The following TDRD6 variants were observed in gnomAD, a reference collection of about 807,000 sequenced individuals.
TDRD6 encodes tudor domain-containing protein 6.
In TDRD6, 186 loss-of-function variants were observed where a neutral mutation model predicts 157.5. The observed-to-expected ratio is 1.18, with a 90% CI of 1.05 to 1.33. The LOEUF is 1.33. Among genes scored for constraint, TDRD6 ranks in the 40% most tolerant of loss-of-function variants. The pLI is 0.00. For missense variants in TDRD6, 3,066 were observed against 2,508.0 expected (o/e 1.22, Z -4.75); for synonymous variants, 1,075 against 945.2 (o/e 1.14, Z -2.52).
chr6:46,698,029 T>C lies in TDRD6; in HGVS notation c.6203T>C (p.Ile2068Thr), dbSNP rs548926471. 75 of 1,611,572 alleles carry C rather than the reference T, an allele frequency of 4.7e-5. No homozygotes were observed. Among genetic ancestry groups the C allele is most frequent in the South Asian group, 4.5e-4 (41 of 90,698 alleles). ...AACCTTTCAAATGGTATGGAGGAGA[T>C]AGTGAACCCTGAGAATGTCTGGAAT... Reference protein sequence around the residue: ...VLNLSNGMEEIVNPENVWNGI... With the variant: ...VLNLSNGMEETVNPENVWNGI... The change falls in exon 3 of 4, where the codon ATA becomes ACA. Residue 2068 changes from isoleucine (I) to threonine (T), a missense_variant. Physicochemically the swap from Ile to Thr is moderately conservative, Grantham distance 89. Coordinates refer to ENST00000316081, the MANE Select transcript of TDRD6 (RefSeq NM_001010870.3).
rs76636517 is a variant in TDRD6 at position 46,691,703 on chromosome 6, C to G, written c.3575C>G (p.Thr1192Arg). 1 of 1,609,584 alleles carries G rather than the reference C, an allele frequency of 6.2e-7. No individual in the cohort carries two copies. Among genetic ancestry groups the G allele is most frequent in the South Asian group, 1.1e-5 (1 of 90,356 alleles). ...EKNENMKLPC[T>R]EYLSKSVGYK... Reference sequence around the variant, plus strand: ...AATGAGAATATGAAGTTGCCATGTACAGAGTATTTAAGTAAATCAGTAGGG... The same window carrying G: ...AATGAGAATATGAAGTTGCCATGTAGAGAGTATTTAAGTAAATCAGTAGGG... Residue 1192 changes from threonine to arginine, a missense_variant, in exon 1 of 4, where the codon ACA (threonine) becomes AGA (arginine). By Grantham distance (71) the Thr-to-Arg change is moderately conservative (BLOSUM62 -1). Transcript: ENST00000316081.
In TDRD6 at chr6:46,695,881, G is replaced by A. The variant is rs1360496487; in HGVS notation, c.6107G>A (p.Trp2036Ter). Residue 2036 changes from tryptophan (W) to a stop codon, truncating the protein, a stop_gained, in exon 2 of 4, where the codon TGG becomes TAG. Coordinates refer to ENST00000316081, the MANE Select transcript of TDRD6 (RefSeq NM_001010870.3). LOFTEE classifies it high-confidence loss of function. Reference sequence around the variant, plus strand: ...ACTGTTGGATCTAAATGTGTTGTGTGGTCAAGTCTAAGAAACACATGGTCT... The same window carrying A: ...ACTGTTGGATCTAAATGTGTTGTGTAGTCAAGTCTAAGAAACACATGGTCT... ...AFTVGSKCVVWSSLRNTWSKC... is the reference protein window; with the variant it reads ...AFTVGSKCVV 1.2e-6 allele frequency: 2 copies of A among 1,613,564 alleles called. No individual in the cohort carries two copies. The highest frequency in any genetic ancestry group is 1.7e-6 in the Non-Finnish European group (2 of 1,179,710).
rs1482563701 is a variant in TDRD6, at chr6:46,689,313, C to A, written c.1185C>A (p.Asp395Glu). Residue 395 changes from aspartate to glutamate, a missense_variant, in exon 1 of 4, where the codon GAC becomes GAA. Coordinates refer to ENST00000316081, the MANE Select transcript of TDRD6 (RefSeq NM_001010870.3). ...GRGWSRSQVG[D>E]LKTLILGKAV... ...GCTGGTCTCGGTCACAGGTCGGTGA[C>A]CTGAAGACACTGATACTAGGCAAGG... 3.7e-6 allele frequency: 6 copies of A among 1,614,116 alleles called. No individual in the cohort carries two copies. In the South Asian group the frequency reaches 4.4e-5, roughly 12 times the overall value.
At position 46,688,984 on chromosome 6, in the gene TDRD6, G is replaced by T; in HGVS notation, c.856G>T (p.Val286Leu). 1.9e-6 allele frequency: 3 copies of T among 1,613,756 alleles called. No individual in the cohort carries two copies. The South Asian group carries it at 3.3e-5, about 18-fold the overall frequency. ...IHRLSESMAQ[V>L]YRGSTGTGDE... Reference sequence around the variant, plus strand: ...CCGCCTCTCCGAGAGCATGGCCCAGGTATACCGGGGTTCCACGGGGACAGG... The same window carrying T: ...CCGCCTCTCCGAGAGCATGGCCCAGTTATACCGGGGTTCCACGGGGACAGG... The change falls in exon 1 of 4, where the codon GTA (valine) becomes TTA (leucine). Residue 286 changes from valine (V) to leucine (L), a missense_variant. Physicochemically the swap from Val to Leu is conservative, Grantham distance 32. Coordinates refer to ENST00000316081, the MANE Select transcript of TDRD6 (RefSeq NM_001010870.3).
At position 46,688,815 on chromosome 6, in the gene TDRD6, A is replaced by G; in HGVS notation, c.687A>G (p.Arg229=). 1 of 1,612,422 alleles carries G rather than the reference A, an allele frequency of 6.2e-7. No homozygotes were observed. The highest frequency in any genetic ancestry group is 8.5e-7 in the Non-Finnish European group (1 of 1,179,840). ...SVGSGVPVLS[R]VPLKQKQPGL... ...GCTCCGGGGTCCCGGTTCTCTCGCG[A>G]GTCCCGCTCAAGCAAAAGCAGCCTG... Residue 229 remains arginine, a synonymous_variant, in exon 1 of 4, where the codon CGA becomes CGG. Transcript: ENST00000316081.
chr6:46,682,199 G>C, the TDRD6 span, among the ~76,000 whole-genome samples: 3 of 151,866 alleles, frequency 2.0e-5, no homozygotes, highest in Non-Finnish European at 4.4e-5. Flanking sequence ...TACAAAATTG[G>C]TTCAACATCC....
At position 46,700,661 on chromosome 6, in the gene TDRD6, G is replaced by A. The variant is rs141155835; in HGVS notation, c.6262-1197G>A. ...AATAAAGCATCTGTGGCTCTACATG[G>A]ATACTGTGTTTGAATAACAGCCCCT... is the stretch of plus-strand genomic sequence containing the variant. On this transcript the variant is annotated intron_variant, in intron 3 of 3. Coordinates refer to ENST00000316081, the MANE Select transcript of TDRD6 (RefSeq NM_001010870.3). Among the ~76,000 whole-genome samples, 1,125 of 152,180 alleles carry A rather than the reference G, an allele frequency of 7.4e-3. 17 individuals are homozygous for A. Among genetic ancestry groups the A allele is most frequent in the African/African-American group, 0.025 (1,030 of 41,512 alleles).
rs1239102473 is a variant in TDRD6 at position 46,689,144 on chromosome 6, G to T, written c.1016G>T (p.Arg339Leu). 12 of 1,614,190 alleles carry T rather than the reference G, an allele frequency of 7.4e-6. No homozygotes were observed. Among genetic ancestry groups the T allele is most frequent in the Middle Eastern group, 1.6e-4 (1 of 6,062 alleles). Residue 339 changes from arginine to leucine, a missense_variant, in exon 1 of 4, where the codon CGC (arginine) becomes CTC (leucine). Transcript: ENST00000316081. The part of the protein sequence containing the change: ...ALLLETFRPQ[R>L]CAQVLHVDYG... The stretch of plus-strand genomic sequence containing the variant: ...TTGCTTGAGACTTTTCGGCCCCAGC[G>T]CTGTGCCCAGGTGCTTCATGTGGAC...
In TDRD6 at chr6:46,691,168, C is replaced by G. The variant is rs9381472; in HGVS notation, c.3040C>G (p.Gln1014Glu). The G allele has an allele frequency of 0.35, 566,711 of 1,613,276 alleles. 103,624 individuals carry two copies. Among genetic ancestry groups the G allele is most frequent in the South Asian group, 0.6 (54,772 of 91,030 alleles). Residue 1014 changes from glutamine to glutamate, a missense_variant, in exon 1 of 4, where the codon CAG becomes GAG. Coordinates refer to ENST00000316081, the MANE Select transcript of TDRD6 (RefSeq NM_001010870.3). ...GGCAAGAAATGCAAATATTTTAGAACAGTTGTCATGTAGTATTACACAATT... is the reference window on the plus strand; with the variant it reads ...GGCAAGAAATGCAAATATTTTAGAAGAGTTGTCATGTAGTATTACACAATT... The part of the protein sequence containing the change: ...QLARNANILE[Q>E]LSCSITQLSK...
chr6:46,688,997 C>T lies in TDRD6; in HGVS notation c.869C>T (p.Ser290Phe), dbSNP rs370783544. ...AGCATGGCCCAGGTATACCGGGGTT[C>T]CACGGGGACAGGGGATGAGAACTCT... The part of the protein sequence containing the change: ...SESMAQVYRG[S>F]TGTGDENSTS... Residue 290 changes from serine to phenylalanine, a missense_variant, in exon 1 of 4, where the codon TCC (serine) becomes TTC (phenylalanine). By Grantham distance (155) the Ser-to-Phe change is radical (BLOSUM62 -2). Transcript: ENST00000316081. 58 of 1,613,534 alleles carry T rather than the reference C, an allele frequency of 3.6e-5. 2 individuals carry two copies. The highest frequency in any genetic ancestry group is 2.7e-4 in the Admixed American group (16 of 59,986).
Position 46,692,969 on chromosome 6 carries a change from C to T in TDRD6, c.4841C>T (p.Pro1614Leu). The T allele has an allele frequency of 6.2e-7, 1 of 1,612,860 alleles. No individual in the cohort carries two copies. The highest frequency in any genetic ancestry group is 8.5e-7 in the Non-Finnish European group (1 of 1,179,228). Reference sequence around the variant, plus strand: ...GGAAACATTGAAGACTGTGTGGACCCAAAAGCACTCTGGGCCATTCCTTCT... The same window carrying T: ...GGAAACATTGAAGACTGTGTGGACCTAAAAGCACTCTGGGCCATTCCTTCT... ...DFGNIEDCVD[P>L]KALWAIPSEL... Residue 1614 changes from proline (P) to leucine (L), a missense_variant, in exon 1 of 4, where the codon CCA becomes CTA. Transcript: ENST00000316081.
chr6:46,697,478 C>T (rs1370316627), intron 2 of TDRD6, among the ~76,000 whole-genome samples: 1 of 152,172 alleles, frequency 6.6e-6, no homozygotes, highest in African/African-American at 2.4e-5. Context: ...GAAATTTTAT[C>T]CATCTTTGAT....
upstream of TDRD6, among the ~76,000 whole-genome samples, chr6:46,684,023 G>C (rs1764024815): frequency 6.6e-6 from 1 of 152,036 alleles, no homozygotes; most frequent in Non-Finnish European, 1.5e-5. Context: ...TTTCAGATAT[G>C]GAAACAGAGG....
rs775792624 is a variant in TDRD6 at position 46,689,663 on chromosome 6, C to T, written c.1535C>T (p.Thr512Ile). The change falls in exon 1 of 4, where the codon ACC becomes ATC. Residue 512 changes from threonine (T) to isoleucine (I), a missense_variant. By Grantham distance (89) the Thr-to-Ile change is moderately conservative. Transcript: ENST00000316081. The stretch of plus-strand genomic sequence containing the variant: ...ATTAGGTTGAGGAAACACAATGTCA[C>T]CTTCAGTAAGCTGATGAGGAGAATG... ...FWIRLRKHNV[T>I]FSKLMRRMCG... 12 of 1,614,212 alleles carry T rather than the reference C, an allele frequency of 7.4e-6. No individual in the cohort carries two copies. In the East Asian group the frequency reaches 2.2e-4, roughly 30 times the overall value.
Position 46,704,267 on chromosome 6 carries a change from C to G in TDRD6, c.*2380C>G, listed in dbSNP as rs1169226452. ...AAAGTAATGTAAAAACAGTTTTTAA[C>G]TTCGACACTGAAAAGGAATCATCTT... is the stretch of plus-strand genomic sequence containing the variant. On this transcript the variant is annotated 3_prime_UTR_variant, in exon 4 of 4. Coordinates refer to ENST00000316081, the MANE Select transcript of TDRD6 (RefSeq NM_001010870.3). The G allele has an allele frequency of 6.5e-6, 2 of 306,720 alleles. No individual in the cohort carries two copies. The highest frequency in any genetic ancestry group is 1.4e-4 in the East Asian group (2 of 14,758). 19.0% of individuals were successfully genotyped at this position (306,720 alleles called of 1,614,324 possible). A position where few individuals can be genotyped will look rare whatever the true frequency, so the allele number is the denominator to read the frequency against.
At chr6:46,687,323 G>A (rs537854724), upstream of TDRD6, among the ~76,000 whole-genome samples, 10 of 152,272 alleles carry the variant, frequency 6.6e-5, no homozygotes, top group African/African-American at 1.7e-4. Flanking sequence ...AAAGGAACCC[G>A]TATCAGCTAA....
chr6:46,691,853 C>G lies in TDRD6; in HGVS notation c.3725C>G (p.Ser1242Cys), dbSNP rs1405898851. Reference protein sequence around the residue: ...KTNLVTQYQDSVGNKNSQVFP... With the variant: ...KTNLVTQYQDCVGNKNSQVFP... The stretch of plus-strand genomic sequence containing the variant: ...AACTTAGTCACTCAATATCAAGACT[C>G]TGTGGGAAATAAAAATAGTCAAGTG... Residue 1242 changes from serine to cysteine, a missense_variant, in exon 1 of 4, where the codon TCT (serine) becomes TGT (cysteine). Ser to Cys is a moderately radical substitution (Grantham distance 112). Transcript: ENST00000316081. 2 of 1,595,186 alleles carry G rather than the reference C, an allele frequency of 1.3e-6. No individual in the cohort carries two copies. Among genetic ancestry groups the G allele is most frequent in the East Asian group, 4.5e-5 (2 of 44,746 alleles).
Position 46,688,641 on chromosome 6 carries a change from G to T in TDRD6, c.513G>T (p.Leu171=). 6.3e-7 allele frequency: 1 copy of T among 1,599,308 alleles called. No homozygotes were observed. The highest frequency in any genetic ancestry group is 1.3e-5 in the African/African-American group (1 of 75,048). The change falls in exon 1 of 4, where the codon CTG becomes CTT. Residue 171 remains leucine (L), a synonymous_variant. Coordinates refer to ENST00000316081, the MANE Select transcript of TDRD6 (RefSeq NM_001010870.3). ...GCAAGGAGGTGCACGGGTGCGTCCT[G>T]GACGTGCTGCTGCTCCATCGCCTGG... is the stretch of plus-strand genomic sequence containing the variant. ...LQGKEVHGCV[L]DVLLLHRLVL...
Position 46,689,183 on chromosome 6 carries a change from A to C in TDRD6, c.1055A>C (p.Glu352Ala). The change falls in exon 1 of 4, where the codon GAG (glutamate) becomes GCG (alanine). Residue 352 changes from glutamate (E) to alanine (A), a missense_variant. By Grantham distance (107) the Glu-to-Ala change is moderately radical. Coordinates refer to ENST00000316081, the MANE Select transcript of TDRD6 (RefSeq NM_001010870.3). ...CTTCATGTGGACTATGGAAGGAAGG[A>C]GTTAGTGAGTTGCAGCAGCCTTCGG... is the stretch of plus-strand genomic sequence containing the variant. ...QVLHVDYGRK[E>A]LVSCSSLRYL... is the part of the protein sequence containing the mutation. The C allele has an allele frequency of 6.2e-7, 1 of 1,614,078 alleles. No homozygotes were observed. Among genetic ancestry groups the C allele is most frequent in the Non-Finnish European group, 8.5e-7 (1 of 1,180,000 alleles).
Sources: allele counts gnomAD v4.1 joint callset (sites outside exome capture counted in the v4.1 genomes callset), GRCh38; gene constraint gnomAD v4.1.1; transcripts MANE v1.5; gene names NCBI Gene and HGNC (gene_info 2026-07-23, HGNC 2026-07-21).